Variants in PSG8 observed in about 807,000 individuals in gnomAD.
The protein encoded by PSG8 is pregnancy specific beta-1-glycoprotein 8.
In PSG8, 57 loss-of-function variants were observed where a neutral mutation model predicts 42.5. That is an observed-to-expected ratio of 1.34 (90% confidence interval 1.08 to 1.67). PSG8 has a LOEUF of 1.67. PSG8 is among the 40% of genes most tolerant of loss of function. The pLI is 0.00. For synonymous variants in PSG8, 280 were observed against 196.8 expected, an observed-to-expected ratio of 1.42 and a Z score of -3.54; for missense variants, 783 against 518.6, an observed-to-expected ratio of 1.51 and a Z score of -4.95.
chr19:42,764,545 T>G lies in PSG8; in HGVS notation c.65-264A>C, dbSNP rs559824556. 1.0e-3 allele frequency among the ~76,000 whole-genome samples: 153 copies of G among 152,020 alleles called. 1 individual carries two copies. Among genetic ancestry groups the G allele is most frequent in the African/African-American group, 3.6e-3 (150 of 41,462 alleles). On this transcript the variant is annotated intron_variant, in intron 1 of 4. Coordinates refer to ENST00000306511, the MANE Select transcript of PSG8 (RefSeq NM_182707.3). ...ACTTCTGACCTTGGCATTTTTCTGT[T>G]TGCAATCCTCTTCCCCAGGGGTCCG...
In PSG8 at chr19:42,764,021, T is replaced by C. The variant is rs1401031119; in HGVS notation, c.325A>G (p.Ile109Val). 1.7e-5 allele frequency: 27 copies of C among 1,613,652 alleles called. No homozygotes were observed. The highest frequency in any genetic ancestry group is 2.3e-5 in the Non-Finnish European group (27 of 1,179,864). Residue 109 changes from isoleucine to valine, a missense_variant, in exon 2 of 5, where the codon ATC becomes GTC. Transcript: ENST00000306511. ...GCGTCTTCCTGGGTGACATTCTGGA[T>C]CAGCAGGGATGCATTGGAATATATT... ...ETIYSNASLLIQNVTQEDAGS... is the reference protein window; with the variant it reads ...ETIYSNASLLVQNVTQEDAGS...
Position 42,754,285 on chromosome 19 carries a change from T to A in PSG8, c.*10A>T, listed in dbSNP as rs751164814. ...TCCTGACTCTTCCCTGAAGGCCAGATAGACTCCACCTAAATCCCTATTGCC... is the reference window on the plus strand; with the variant it reads ...TCCTGACTCTTCCCTGAAGGCCAGAAAGACTCCACCTAAATCCCTATTGCC... On this transcript the variant is annotated 3_prime_UTR_variant, in exon 5 of 5. Coordinates refer to ENST00000306511, the MANE Select transcript of PSG8 (RefSeq NM_182707.3). The A allele has an allele frequency of 1.2e-6, 2 of 1,611,948 alleles. No individual in the cohort carries two copies. Among genetic ancestry groups the A allele is most frequent in the African/African-American group, 1.3e-5 (1 of 74,788 alleles).
At chr19:42,763,894 G>A in intron 2 of PSG8, 22 bp downstream of exon 2, 1 of 1,613,546 alleles carries the variant, frequency 6.2e-7, no homozygotes, top group Non-Finnish European at 8.5e-7. Context: ...CCAACACCCA[G>A]GGATCATGTG....
At chr19:42,755,579 T>C (rs757918944) in intron 3 of PSG8, 1 of 502,054 alleles carries the variant, frequency 2.0e-6, no homozygotes, top group Non-Finnish European at 3.3e-6. Flanking sequence ...ATCAGTTGAC[T>C]GGCTGGCTCA....
At chr19:42,754,933 G>A in intron 4 of PSG8, 55 bp downstream of exon 4, 1 of 1,575,962 alleles carries the variant, frequency 6.3e-7, no homozygotes, top group Non-Finnish European at 8.6e-7. Flanking sequence ...CCTGGCCTCT[G>A]GTCGTTTTGA....
rs375062392 is a variant in PSG8 at position 42,757,315 on chromosome 19, G to T, written c.709+687C>A. Among the ~76,000 whole-genome samples the T allele has an allele frequency of 4.6e-5, 7 of 152,188 alleles. No individual in the cohort carries two copies. The South Asian group carries it at 6.3e-4, about 14-fold the overall frequency. ...TAGATAGACTTCACTGGAAAACATA[G>T]TGCCAATGCTCCAGGGATCCACTTA... On this transcript the variant is annotated intron_variant, in intron 3 of 4. Transcript: ENST00000306511.
At position 42,755,000 on chromosome 19, in the gene PSG8, G is replaced by C. The variant is rs776675549; in HGVS notation, c.976C>G (p.Leu326Val). Residue 326 changes from leucine to valine, a missense_variant, in exon 4 of 5, where the codon CTG becomes GTG. Transcript: ENST00000306511. ...YGGIRSYPVT[L>V]NVLYGPDLPR... Reference sequence around the variant, plus strand: ...AAAAGATACTCACAGAGGACATTCAGGGTGACTGGGTAACTGCGGATGCCA... The same window carrying C: ...AAAAGATACTCACAGAGGACATTCACGGTGACTGGGTAACTGCGGATGCCA... The C allele has an allele frequency of 6.2e-7, 1 of 1,613,274 alleles. No individual in the cohort carries two copies. The highest frequency in any genetic ancestry group is 2.2e-5 in the East Asian group (1 of 44,872).
intron 2 of PSG8, among the ~76,000 whole-genome samples, chr19:42,761,399 C>T (rs1452499601): frequency 6.6e-6 from 1 of 152,156 alleles, no homozygotes; most frequent in African/African-American, 2.4e-5. Flanking sequence ...TTTCTATAAT[C>T]CCTGACTGCT....
At chr19:42,756,294 G>C (rs1173918102) in intron 3 of PSG8, among the ~76,000 whole-genome samples, 1 of 152,140 alleles carries the variant, frequency 6.6e-6, no homozygotes, top group East Asian at 1.9e-4. Context: ...AGAGACTGCT[G>C]GTTGCCAGGA....
intron 2 of PSG8, among the ~76,000 whole-genome samples, chr19:42,762,653 A>G (rs1399306422): frequency 6.6e-6 from 1 of 151,968 alleles, no homozygotes. Flanking sequence ...TGACAGTGAC[A>G]TGGACACTTT....
At chr19:42,764,908 C>T (rs1970177598) in intron 1 of PSG8, among the ~76,000 whole-genome samples, 5 of 152,114 alleles carry the variant, frequency 3.3e-5, no homozygotes, top group African/African-American at 1.2e-4. Context: ...GTTGAGGTTT[C>T]TTGCTGAGGA....
At chr19:42,763,686 G>C in intron 2 of PSG8, 1 of 804,960 alleles carries the variant, frequency 1.2e-6, no homozygotes, top group African/African-American at 1.7e-5. Flanking sequence ...CCCCCCATCA[G>C]ACTGTCCTTC....
At chr19:42,762,109 G>A (rs1441370871) in intron 2 of PSG8, among the ~76,000 whole-genome samples, 1 of 151,328 alleles carries the variant, frequency 6.6e-6, no homozygotes, top group Non-Finnish European at 1.5e-5. Context: ...TAGTGGGAAG[G>A]GAACAGAACA....
In PSG8 at chr19:42,763,940, C is replaced by T; in HGVS notation, c.406G>A (p.Gly136Arg). Reference protein sequence around the residue: ...MGGDENRGVTGHFTFTLYLET... With the variant: ...MGGDENRGVTRHFTFTLYLET... ...CGATATAAGGTGAAGGTGAAATGTCCAGTTACTCCTCTATTCTCATCACCT... is the reference window on the plus strand; with the variant it reads ...CGATATAAGGTGAAGGTGAAATGTCTAGTTACTCCTCTATTCTCATCACCT... The change falls in exon 2 of 5, where the codon GGA becomes AGA. Residue 136 changes from glycine (G) to arginine (R), a missense_variant. Gly to Arg is a moderately radical substitution (Grantham distance 125). Coordinates refer to ENST00000306511, the MANE Select transcript of PSG8 (RefSeq NM_182707.3). 6.2e-7 allele frequency: 1 copy of T among 1,613,690 alleles called. No homozygotes were observed.
chr19:42,765,455 G>T, intron 1 of PSG8, 63 bp downstream of exon 1: 1 of 1,599,304 alleles, frequency 6.3e-7, no homozygotes. Context: ...ATACTCTCAA[G>T]GAGACCCCAT....
intron 3 of PSG8, 43 bp from the exon 4 acceptor site, chr19:42,755,309 T>G: frequency 6.3e-7 from 1 of 1,590,704 alleles, no homozygotes; most frequent in Non-Finnish European, 8.6e-7. Flanking sequence ...GTGGCACCTT[T>G]GATTCCTCCA....
intron 2 of PSG8, among the ~76,000 whole-genome samples, chr19:42,760,103 T>C (rs1008172820): frequency 7.9e-5 from 12 of 152,208 alleles, no homozygotes; most frequent in African/African-American, 2.9e-4. Flanking sequence ...AACAGGTATG[T>C]GAAATGCTTT....
rs536270387 is a variant in PSG8 at position 42,758,262 on chromosome 19, G to T, written c.449C>A (p.Ser150Tyr). The change falls in exon 3 of 5, where the codon TCC becomes TAC. Residue 150 changes from serine to tyrosine, a missense_variant. Coordinates refer to ENST00000306511, the MANE Select transcript of PSG8 (RefSeq NM_182707.3). Reference protein sequence around the residue: ...FTLYLETPKPSISSSKLNPRE... With the variant: ...FTLYLETPKPYISSSKLNPRE... ...GGGGTTTAATTTGCTGCTGGAGATG[G>T]AGGGCTTGGGAGTCTCCACTGTGCA... The T allele has an allele frequency of 8.7e-6, 14 of 1,613,942 alleles. No individual in the cohort carries two copies. The East Asian group carries it at 2.2e-4, about 26-fold the overall frequency.
At position 42,763,985 on chromosome 19, in the gene PSG8, T is replaced by G. The variant is rs756565747; in HGVS notation, c.361A>C (p.Thr121Pro). 7 of 1,610,972 alleles carry G rather than the reference T, an allele frequency of 4.3e-6. No individual in the cohort carries two copies. Among genetic ancestry groups the G allele is most frequent in the Admixed American group, 1.7e-5 (1 of 59,650 alleles). ...TCACCTCCCATTATGATGTGTAAGGTGTAGGATCCTGCGTCTTCCTGGGTG... is the reference window on the plus strand; with the variant it reads ...TCACCTCCCATTATGATGTGTAAGGGGTAGGATCCTGCGTCTTCCTGGGTG... The part of the protein sequence containing the change: ...NVTQEDAGSY[T>P]LHIIMGGDEN... Residue 121 changes from threonine to proline, a missense_variant, in exon 2 of 5, where the codon ACC (threonine) becomes CCC (proline). Physicochemically the swap from Thr to Pro is conservative, Grantham distance 38. Coordinates refer to ENST00000306511, the MANE Select transcript of PSG8 (RefSeq NM_182707.3).
Sources: allele counts gnomAD v4.1 joint callset (sites outside exome capture counted in the v4.1 genomes callset), GRCh38; gene constraint gnomAD v4.1.1; transcripts MANE v1.5; gene names NCBI Gene and HGNC (gene_info 2026-07-23, HGNC 2026-07-21).